The following RHPN2 variants were observed in gnomAD, a reference collection of about 807,000 sequenced individuals.
RHPN2 encodes rhophilin-2.
In RHPN2, 40 loss-of-function variants were observed where a neutral mutation model predicts 79.0. The ratio of observed to expected loss-of-function variants is 0.51; its 90% CI spans 0.39 to 0.66. The LOEUF (loss-of-function observed/expected upper bound fraction) is 0.66, where lower values mean the gene tolerates loss of function less well. Among genes scored for constraint, RHPN2 ranks in the 30% least tolerant of loss-of-function variants. The probability of loss-of-function intolerance (pLI) is 0.00; values close to 1 mark genes in which losing one functional copy is unlikely to be tolerated. For synonymous variants in RHPN2, 285 were observed against 363.5 expected, an observed-to-expected ratio of 0.78 and a Z score of 2.46; for missense variants, 686 against 883.5, an observed-to-expected ratio of 0.78 and a Z score of 2.83.
intron 7 of RHPN2, among the ~76,000 whole-genome samples, chr19:33,007,103 G>GCT (rs1971797579): frequency 6.6e-6 from 1 of 152,166 alleles, no homozygotes; most frequent in South Asian, 2.1e-4. Context: ...AGGGAACTGA[G>GCT]CTATGAGACA....
At position 33,044,230 on chromosome 19, in the gene RHPN2, G is replaced by C. The variant is rs1972123882; in HGVS notation, c.185+19C>G. On this transcript the variant is annotated intron_variant, in intron 2 of 14. Coordinates refer to ENST00000254260, the MANE Select transcript of RHPN2 (RefSeq NM_033103.5). ...ATGACTAGGACTCAGGAGAGGCAGGGAAGCCAGAAGACACCTACTTCAGAA... is the reference window on the plus strand; with the variant it reads ...ATGACTAGGACTCAGGAGAGGCAGGCAAGCCAGAAGACACCTACTTCAGAA... The C allele has an allele frequency of 6.3e-7, 1 of 1,577,882 alleles. No homozygotes were observed. The highest frequency in any genetic ancestry group is 2.2e-5 in the East Asian group (1 of 44,694).
intron 7 of RHPN2, among the ~76,000 whole-genome samples, chr19:33,003,996 G>C (rs1971771316): frequency 6.6e-6 from 1 of 152,120 alleles, no homozygotes; most frequent in Non-Finnish European, 1.5e-5. Flanking sequence ...GCAACGTACT[G>C]AGACCCCTGT....
chr19:33,050,260 G>A (rs1329323497), intron 1 of RHPN2, among the ~76,000 whole-genome samples: 1 of 152,148 alleles, frequency 6.6e-6, no homozygotes, highest in African/African-American at 2.4e-5. Context: ...CCCCAGGTGG[G>A]CTGAGCTGAG....
chr19:33,008,009 C>T lies in RHPN2; in HGVS notation c.760+5G>A. The T allele has an allele frequency of 6.2e-7, 1 of 1,612,070 alleles. No individual in the cohort carries two copies. ...TCCGTCTGGTCAGCCCTGGAGGAGACATACCTGCGGCTCTCTGAAAGGCAT... is the reference window on the plus strand; with the variant it reads ...TCCGTCTGGTCAGCCCTGGAGGAGATATACCTGCGGCTCTCTGAAAGGCAT... On this transcript the variant is annotated splice_donor_5th_base_variant and intron_variant, in intron 7 of 14. Coordinates refer to ENST00000254260, the MANE Select transcript of RHPN2 (RefSeq NM_033103.5).
At chr19:32,994,567 A>G (rs1363719455) in intron 11 of RHPN2, among the ~76,000 whole-genome samples, 1 of 151,868 alleles carries the variant, frequency 6.6e-6, no homozygotes, top group Non-Finnish European at 1.5e-5. Context: ...GGGAGGTATA[A>G]CTCCTTCCCG....
At chr19:33,035,187 G>T (rs556006376) in intron 2 of RHPN2, among the ~76,000 whole-genome samples, 2 of 151,848 alleles carry the variant, frequency 1.3e-5, no homozygotes, top group African/African-American at 2.4e-5. Flanking sequence ...GGCTAGTCTT[G>T]AACTCCTGAC....
At chr19:33,053,612 T>C (rs909028928) in intron 1 of RHPN2, among the ~76,000 whole-genome samples, 12 of 151,536 alleles carry the variant, frequency 7.9e-5, no homozygotes, top group African/African-American at 2.9e-4. Context: ...TTAGTAGAGA[T>C]GGGGTTTCAC....
chr19:32,985,549 A>G (rs1446176536), intron 14 of RHPN2, among the ~76,000 whole-genome samples: 1 of 152,108 alleles, frequency 6.6e-6, no homozygotes, highest in East Asian at 1.9e-4. Flanking sequence ...AGATGGGAGG[A>G]TCACGTAAGC....
At chr19:33,062,792 ATAATAATAATAAT>A (rs1972292315) in intron 1 of RHPN2, among the ~76,000 whole-genome samples, 3 of 147,728 alleles carry the variant, frequency 2.0e-5, no homozygotes, top group South Asian at 4.3e-4. Flanking sequence ...AATAATAATA[ATAATAATAATAAT>A]TAATAAATGA....
In RHPN2 at chr19:33,019,871, CAA is replaced by C. The variant is rs1397383788; in HGVS notation, c.390+1698_390+1699del. Among the ~76,000 whole-genome samples, 3 of 152,276 alleles carry C rather than the reference CAA, an allele frequency of 2.0e-5. No individual in the cohort carries two copies. The East Asian group carries it at 5.8e-4, about 29-fold the overall frequency. On this transcript the variant is annotated intron_variant, in intron 4 of 14. Coordinates refer to ENST00000254260, the MANE Select transcript of RHPN2 (RefSeq NM_033103.5). ...TAACCAATGCCTGGGCTGCATGGCG[CAA>C]ACTTGGGCCACCCTGCACCTCATCC...
At chr19:32,999,126 G>A (rs1232289890) in intron 10 of RHPN2, among the ~76,000 whole-genome samples, 2 of 152,050 alleles carry the variant, frequency 1.3e-5, no homozygotes, top group African/African-American at 2.4e-5. Flanking sequence ...AGCTGCGTAT[G>A]TGTGCATGGG....
chr19:33,024,349 C>T (rs1311973369), intron 3 of RHPN2, among the ~76,000 whole-genome samples: 1 of 152,154 alleles, frequency 6.6e-6, no homozygotes, highest in African/African-American at 2.4e-5. Context: ...AGGAGGATTG[C>T]TTGAACCTGG....
chr19:32,996,241 C>A, intron 10 of RHPN2, 21 bp from the exon 11 acceptor site: 1 of 1,613,498 alleles, frequency 6.2e-7, no homozygotes, highest in Admixed American at 1.7e-5. Flanking sequence ...AAGCCAGCAC[C>A]CACGTGACTT....
chr19:33,002,394 C>A lies in RHPN2; in HGVS notation c.958G>T (p.Val320Phe), dbSNP rs778256595. 1.2e-6 allele frequency: 2 copies of A among 1,613,906 alleles called. No homozygotes were observed. The highest frequency in any genetic ancestry group is 1.7e-6 in the Non-Finnish European group (2 of 1,179,850). The change falls in exon 9 of 15, where the codon GTC becomes TTC. Residue 320 changes from valine (V) to phenylalanine (F), a missense_variant. Physicochemically the swap from Val to Phe is conservative, Grantham distance 50. Transcript: ENST00000254260. ...VAQEAAKVGE[V>F]YQQLHAAMSQ... ...ATGGCTGCGTGTAGCTGTTGGTAGACCTCTCCCACCTGAAATAGAAGGGAC... is the reference window on the plus strand; with the variant it reads ...ATGGCTGCGTGTAGCTGTTGGTAGAACTCTCCCACCTGAAATAGAAGGGAC...
At chr19:32,982,083 T>C (rs1283344098) in intron 14 of RHPN2, among the ~76,000 whole-genome samples, 1 of 152,136 alleles carries the variant, frequency 6.6e-6, no homozygotes, top group African/African-American at 2.4e-5. Context: ...AATATATCGC[T>C]GCAATAGTTG....
At chr19:33,063,644 G>A (rs574033747) in intron 1 of RHPN2, among the ~76,000 whole-genome samples, 1 of 152,308 alleles carries the variant, frequency 6.6e-6, no homozygotes, top group East Asian at 1.9e-4. Context: ...CATGACTCCC[G>A]GCTCCAAAGC....
intron 1 of RHPN2, among the ~76,000 whole-genome samples, chr19:33,051,077 C>T (rs1444525940): frequency 3.9e-5 from 6 of 152,076 alleles, no homozygotes; most frequent in Non-Finnish European, 5.9e-5. Context: ...CTGCAACCTC[C>T]GCCTCCTGGA....
At chr19:33,008,419 T>A (rs10418930) in intron 6 of RHPN2, among the ~76,000 whole-genome samples, 113,594 of 146,796 alleles carry the variant, frequency 0.77, 43,931 homozygotes, top group African/African-American at 0.93. Context: ...ATACCTGCCT[T>A]TTTTTTTTTT....
At chr19:32,985,388 G>T (rs942693332) in intron 14 of RHPN2, among the ~76,000 whole-genome samples, 3 of 152,088 alleles carry the variant, frequency 2.0e-5, no homozygotes, top group Admixed American at 6.6e-5. Context: ...TGTAATCCCG[G>T]CACTTTGGGA....
Sources: gnomAD v4.1 joint callset for allele counts (sites outside exome capture counted in the v4.1 genomes callset) on GRCh38, gnomAD v4.1.1 for gene constraint, MANE v1.5 for transcripts, NCBI Gene and HGNC (gene_info 2026-07-23, HGNC 2026-07-21) for gene names.